The following NAALADL2 variants were observed in gnomAD, a reference collection of about 807,000 sequenced individuals.
NAALADL2 encodes the protein inactive N-acetylated-alpha-linked acidic dipeptidase-like protein 2.
Under a neutral mutation model 87.2 loss-of-function variants are expected in NAALADL2, and 76 were observed. The observed-to-expected ratio is 0.87, with a 90% CI of 0.72 to 1.05. The LOEUF is 1.05. Among genes scored for constraint, NAALADL2 ranks in the 50% least tolerant of loss-of-function variants. The pLI, the probability that NAALADL2 is intolerant of heterozygous loss-of-function variation, is 0.00. For synonymous variants in NAALADL2, 354 were observed against 331.0 expected, an observed-to-expected ratio of 1.07 and a Z score of -0.75; for missense variants, 1,089 against 945.8, an observed-to-expected ratio of 1.15 and a Z score of -1.99.
intron 1 of NAALADL2, among the ~76,000 whole-genome samples, chr3:174,940,047 A>G (rs1275683204): frequency 6.6e-6 from 1 of 152,106 alleles, no homozygotes; most frequent in Non-Finnish European, 1.5e-5. Flanking sequence ...ACTATGTTGA[A>G]TAGAAGTGGT....
intron 11 of NAALADL2, chr3:175,676,178 C>T (rs1256689220): frequency 2.6e-5 from 4 of 152,130 alleles, no homozygotes; most frequent in Non-Finnish European, 5.9e-5. Context: ...TTCCATCTCT[C>T]CCTCCAAATA....
At chr3:175,712,023 CATATG>C (rs1359969391) in intron 11 of NAALADL2, among the ~76,000 whole-genome samples, 1 of 151,694 alleles carries the variant, frequency 6.6e-6, no homozygotes, top group African/African-American at 2.4e-5. Flanking sequence ...TAAGGAGAAG[CATATG>C]ATATGATCTA....
chr3:175,153,823 T>G lies in NAALADL2; in HGVS notation c.545+56532T>G, dbSNP rs538759894. ...ACTTAGGCCTTGGAAGCTTTTTCAC[T>G]AGAGTGAGTATACTGCTGATTGCCT... On this transcript the variant is annotated intron_variant, in intron 2 of 13. Coordinates refer to ENST00000454872, the MANE Select transcript of NAALADL2 (RefSeq NM_207015.3). 2.0e-5 allele frequency among the ~76,000 whole-genome samples: 3 copies of G among 152,316 alleles called. No homozygotes were observed. In the South Asian group the frequency reaches 6.2e-4, roughly 32 times the overall value.
intron 3 of NAALADL2, among the ~76,000 whole-genome samples, chr3:174,798,718 G>T (rs938728955): frequency 2.6e-5 from 4 of 151,374 alleles, no homozygotes; most frequent in Non-Finnish European, 2.9e-5. Flanking sequence ...TAAGAAAGTT[G>T]ATTTTTTAGT....
intron 3 of NAALADL2, among the ~76,000 whole-genome samples, chr3:174,836,681 C>A (rs1031025462): frequency 3.1e-5 from 4 of 129,840 alleles, no homozygotes; most frequent in African/African-American, 1.2e-4. Context: ...AGCACTCCAG[C>A]CTGGGTGACA....
At chr3:174,654,050 T>C (rs890092255) in intron 2 of NAALADL2, among the ~76,000 whole-genome samples, 1 of 146,450 alleles carries the variant, frequency 6.8e-6, no homozygotes, top group South Asian at 2.2e-4. Context: ...TATTTAGTAA[T>C]AAGATGGCTT....
intron 2 of NAALADL2, among the ~76,000 whole-genome samples, chr3:175,121,988 C>T (rs76195197): frequency 0.021 from 3,133 of 151,764 alleles, 53 homozygotes; most frequent in Admixed American, 0.031. Context: ...ACAATGGCGA[C>T]ACATTGTAAT....
chr3:175,087,307 G>T (rs1315268284), intron 1 of NAALADL2, among the ~76,000 whole-genome samples: 2 of 152,172 alleles, frequency 1.3e-5, no homozygotes, highest in Non-Finnish European at 2.9e-5. Context: ...CGCCCTGGCA[G>T]CTGCCCCTTC....
chr3:174,740,325 T>C (rs1733646102), intron 3 of NAALADL2, among the ~76,000 whole-genome samples: 1 of 151,920 alleles, frequency 6.6e-6, no homozygotes, highest in South Asian at 2.1e-4. Flanking sequence ...GTGCTCCTTA[T>C]TGGTGATTGT....
At chr3:174,729,099 G>A (rs1454585652) in intron 2 of NAALADL2, among the ~76,000 whole-genome samples, 1 of 151,944 alleles carries the variant, frequency 6.6e-6, no homozygotes, top group East Asian at 1.9e-4. Context: ...CTTATTTTTA[G>A]AGTGTATTAG....
At chr3:175,084,414 T>G (rs1718463147) in intron 1 of NAALADL2, among the ~76,000 whole-genome samples, 2 of 152,172 alleles carry the variant, frequency 1.3e-5, no homozygotes, top group Non-Finnish European at 2.9e-5. Context: ...CTAGCTCTGC[T>G]GCTTCTCCTC....
At chr3:175,643,705 A>G (rs1401015310) in intron 11 of NAALADL2, among the ~76,000 whole-genome samples, 1 of 152,176 alleles carries the variant, frequency 6.6e-6, no homozygotes, top group Non-Finnish European at 1.5e-5. Flanking sequence ...TTTGATAAAG[A>G]AGCTCCTTGT....
At chr3:175,274,035 G>A (rs549510891) in intron 4 of NAALADL2, among the ~76,000 whole-genome samples, 1 of 151,876 alleles carries the variant, frequency 6.6e-6, no homozygotes, top group Non-Finnish European at 1.5e-5. Context: ...ATATAATTTT[G>A]TATTAATCTG....
rs1730405615 is a variant in NAALADL2, at chr3:175,506,903, C to T, written c.1653+35145C>T. Among the ~76,000 whole-genome samples the T allele has an allele frequency of 3.3e-5, 5 of 152,134 alleles. No homozygotes were observed. In the South Asian group the frequency reaches 1.0e-3, roughly 32 times the overall value. ...TTGCTATGATGATACCCCCTGTTCA[C>T]TCTTTCTTCCTTTAGAGGGGGAAAT... On this transcript the variant is annotated intron_variant, in intron 9 of 13. Coordinates refer to ENST00000454872, the MANE Select transcript of NAALADL2 (RefSeq NM_207015.3).
intron 2 of NAALADL2, among the ~76,000 whole-genome samples, chr3:175,099,014 T>C (rs990534421): frequency 3.9e-5 from 6 of 152,092 alleles, no homozygotes; most frequent in Non-Finnish European, 8.8e-5. Flanking sequence ...AAATTTGTAT[T>C]TGTAAGTTTA....
intron 1 of NAALADL2, among the ~76,000 whole-genome samples, chr3:175,016,278 A>AT (rs58474829): frequency 0.042 from 6,086 of 144,784 alleles, 369 homozygotes; most frequent in African/African-American, 0.14. Flanking sequence ...TATATATATA[A>AT]AAAACAATAG....
At chr3:175,277,915 C>A (rs999892895) in intron 4 of NAALADL2, among the ~76,000 whole-genome samples, 26 of 152,108 alleles carry the variant, frequency 1.7e-4, no homozygotes, top group African/African-American at 6.0e-4. Context: ...TTCCCTGATC[C>A]CACAGAATAT....
chr3:175,251,905 T>C (rs1431505827), intron 3 of NAALADL2, among the ~76,000 whole-genome samples: 3 of 152,204 alleles, frequency 2.0e-5, no homozygotes, highest in African/African-American at 7.2e-5. Flanking sequence ...CCAAAATAAA[T>C]TGATACAACG....
At chr3:175,473,873 G>A (rs996748336) in intron 9 of NAALADL2, among the ~76,000 whole-genome samples, 1 of 152,046 alleles carries the variant, frequency 6.6e-6, no homozygotes, top group Non-Finnish European at 1.5e-5. Flanking sequence ...TAAGGACAAA[G>A]ATATTTCATT....
Sources: allele counts gnomAD v4.1 joint callset (sites outside exome capture counted in the v4.1 genomes callset), GRCh38; gene constraint gnomAD v4.1.1; transcripts MANE v1.5; gene names NCBI Gene and HGNC (gene_info 2026-07-23, HGNC 2026-07-21).